The following NRG3 variants were observed in gnomAD, a reference collection of about 807,000 sequenced individuals.
NRG3 encodes the protein neuregulin 3.
Under a neutral mutation model 66.9 loss-of-function variants are expected in NRG3, and 31 were observed. That is an observed-to-expected ratio of 0.46 (90% CI 0.35 to 0.63). The LOEUF (loss-of-function observed/expected upper bound fraction) is 0.63, where lower values mean the gene tolerates loss of function less well. Among genes scored for constraint, NRG3 ranks in the 20% least tolerant of loss-of-function variants. NRG3 has a pLI of 0.00. For missense variants in NRG3, 910 were observed against 878.9 expected, an observed-to-expected ratio of 1.04 and a Z score of -0.45; for synonymous variants, 393 against 359.4, an observed-to-expected ratio of 1.09 and a Z score of -1.06.
intron 1 of NRG3, among the ~76,000 whole-genome samples, chr10:82,137,635 G>A (rs539085068): frequency 2.0e-5 from 3 of 152,282 alleles, no homozygotes; most frequent in East Asian, 1.9e-4. Flanking sequence ...ACGGCATTTA[G>A]TGAAATTGAA....
chr10:82,465,686 T>TG (rs1230200878), intron 2 of NRG3, among the ~76,000 whole-genome samples: 5 of 151,518 alleles, frequency 3.3e-5, no homozygotes, highest in Non-Finnish European at 7.4e-5. Context: ...TCTTAGGGGG[T>TG]GGGGGGCAGC....
intron 4 of NRG3, among the ~76,000 whole-genome samples, chr10:82,913,310 A>G (rs1056496673): frequency 6.6e-6 from 1 of 152,202 alleles, no homozygotes; most frequent in Non-Finnish European, 1.5e-5. Flanking sequence ...TTCATAAACT[A>G]TAACCACCCA....
chr10:82,279,324 G>T (rs1033229353), intron 1 of NRG3, among the ~76,000 whole-genome samples: 1 of 152,112 alleles, frequency 6.6e-6, no homozygotes, highest in African/African-American at 2.4e-5. Flanking sequence ...CTGCTGAAAA[G>T]AACCATCAAA....
intron 1 of NRG3, among the ~76,000 whole-genome samples, chr10:82,031,803 A>G (rs1050343822): frequency 1.3e-5 from 2 of 152,060 alleles, no homozygotes; most frequent in Non-Finnish European, 1.5e-5. Flanking sequence ...AGTCCATTTC[A>G]TCATTTAAGT....
At chr10:81,986,866 G>C (rs545055045) in intron 1 of NRG3, among the ~76,000 whole-genome samples, 3 of 151,924 alleles carry the variant, frequency 2.0e-5, no homozygotes, top group Non-Finnish European at 4.4e-5. Context: ...ATAATTTGTA[G>C]AGACAAGTAC....
rs376761887 is a variant in NRG3, at chr10:82,828,074, G to T, written c.1028-37337G>T. ...TGGAATTCTGCATCCCTTGAAAAAGGACGACTGGCTGTCTTCTGCATGAGC... is the reference window on the plus strand; with the variant it reads ...TGGAATTCTGCATCCCTTGAAAAAGTACGACTGGCTGTCTTCTGCATGAGC... On this transcript the variant is annotated intron_variant, in intron 3 of 8. Transcript: ENST00000372141. Among the ~76,000 whole-genome samples, 6 of 152,148 alleles carry T rather than the reference G, an allele frequency of 3.9e-5. No homozygotes were observed. The South Asian group carries it at 6.2e-4, about 16-fold the overall frequency.
chr10:82,739,548 G>A (rs2058319297), intron 3 of NRG3, among the ~76,000 whole-genome samples: 1 of 152,166 alleles, frequency 6.6e-6, no homozygotes, highest in Non-Finnish European at 1.5e-5. Flanking sequence ...TGTGCGTTTT[G>A]CTGCATAATG....
chr10:82,640,039 G>C (rs971884024), intron 2 of NRG3, among the ~76,000 whole-genome samples: 1 of 152,016 alleles, frequency 6.6e-6, no homozygotes, highest in Admixed American at 6.6e-5. Flanking sequence ...TTCTGTTCCC[G>C]TGTTAGTTTG....
At chr10:82,722,733 A>G (rs1157684350) in intron 2 of NRG3, among the ~76,000 whole-genome samples, 1 of 152,208 alleles carries the variant, frequency 6.6e-6, no homozygotes. Context: ...TACTTTAGAT[A>G]TGGAGCATTG....
At chr10:82,932,416 A>G (rs1847661888) in intron 4 of NRG3, among the ~76,000 whole-genome samples, 1 of 152,222 alleles carries the variant, frequency 6.6e-6, no homozygotes, top group Admixed American at 6.5e-5. Flanking sequence ...TCATAATGTT[A>G]TGCTAGAAGT....
At chr10:81,947,365 G>T (rs1446763165) in intron 1 of NRG3, among the ~76,000 whole-genome samples, 1 of 152,120 alleles carries the variant, frequency 6.6e-6, no homozygotes, top group Non-Finnish European at 1.5e-5. Context: ...CTAGGGTCAA[G>T]ACTTCAACTT....
At chr10:82,946,061 G>A (rs143730797) in intron 4 of NRG3, among the ~76,000 whole-genome samples, 171 of 152,054 alleles carry the variant, frequency 1.1e-3, no homozygotes, top group African/African-American at 3.9e-3. Context: ...TCAATGATGT[G>A]GGAATTGCTG....
intron 6 of NRG3, among the ~76,000 whole-genome samples, chr10:82,965,853 G>T (rs1374074506): frequency 6.6e-6 from 1 of 152,064 alleles, no homozygotes; most frequent in Non-Finnish European, 1.5e-5. Flanking sequence ...TTGCTGAGTG[G>T]AGTATGCATC....
At chr10:82,047,265 C>T (rs1419712777) in intron 1 of NRG3, among the ~76,000 whole-genome samples, 1 of 151,956 alleles carries the variant, frequency 6.6e-6, no homozygotes, top group Non-Finnish European at 1.5e-5. Context: ...CAAAGATACT[C>T]CTCGAGAAGA....
intron 2 of NRG3, among the ~76,000 whole-genome samples, chr10:82,604,697 C>T (rs2047851842): frequency 6.6e-6 from 1 of 152,110 alleles, no homozygotes; most frequent in Admixed American, 6.6e-5. Flanking sequence ...GACCACAAAA[C>T]TATAGTCAAC....
chr10:82,838,624 T>A (rs1156540594), intron 3 of NRG3, among the ~76,000 whole-genome samples: 2 of 151,446 alleles, frequency 1.3e-5, no homozygotes, highest in East Asian at 3.9e-4. Flanking sequence ...TTATATGAAT[T>A]TTTTTAAAGA....
intron 2 of NRG3, among the ~76,000 whole-genome samples, chr10:82,379,319 T>G (rs369748059): frequency 1.3e-5 from 2 of 152,012 alleles, no homozygotes; most frequent in Admixed American, 1.3e-4. Context: ...TAGCCAACGC[T>G]TGGGGGGAAA....
At chr10:82,073,017 C>T (rs1193596208) in intron 1 of NRG3, among the ~76,000 whole-genome samples, 2 of 151,956 alleles carry the variant, frequency 1.3e-5, no homozygotes, top group Non-Finnish European at 2.9e-5. Context: ...TCAAGAGATA[C>T]ACTCACTTTG....
intron 2 of NRG3, among the ~76,000 whole-genome samples, chr10:82,409,652 A>G (rs184195796): frequency 5.4e-4 from 83 of 152,300 alleles, no homozygotes; most frequent in Non-Finnish European, 8.4e-4. Context: ...TTGCTGTATA[A>G]TACGTTAGCC....
Sources: gnomAD v4.1 joint callset for allele counts (sites outside exome capture counted in the v4.1 genomes callset) on GRCh38, gnomAD v4.1.1 for gene constraint, MANE v1.5 for transcripts, NCBI Gene and HGNC (gene_info 2026-07-23, HGNC 2026-07-21) for gene names.